Variants in DMD observed in about 807,000 individuals in gnomAD.
DMD encodes the protein dystrophin, also known as mutant dystrophin.
In DMD, 63 loss-of-function variants were observed where a neutral mutation model predicts 330.1. The observed-to-expected ratio is 0.19, with a 90% CI of 0.16 to 0.24. The LOEUF (loss-of-function observed/expected upper bound fraction) is 0.24, where lower values mean the gene tolerates loss of function less well. Ranked by LOEUF, DMD falls within the 10% of genes least tolerant of loss-of-function variation. The pLI, the probability that DMD is intolerant of heterozygous loss-of-function variation, is 1.00. For missense variants in DMD, 3,344 were observed against 2,684.1 expected (o/e 1.25, Z -5.43); for synonymous variants, 1,223 against 959.8 (o/e 1.27, Z -5.07).
At chrX:32,792,627 A>G (rs915641145) in intron 7 of DMD, among the ~76,000 whole-genome samples, 2 of 112,507 alleles carry the variant, frequency 1.8e-5, no homozygotes, top group East Asian at 2.8e-4. Flanking sequence ...ATGGAAAAGT[A>G]TATTTTATGC....
rs189629627 is a variant in DMD, at chrX:31,483,881, C to T, written c.8548-4778G>A. The stretch of plus-strand genomic sequence containing the variant: ...TAAACATGGTTATATGTAAGATCCT[C>T]TTTAATTTAGTCACTTAACAAACTT... On this transcript the variant is annotated intron_variant, in intron 57 of 78. Transcript: ENST00000357033. Among the ~76,000 whole-genome samples the T allele has an allele frequency of 3.0e-3, 337 of 112,079 alleles. 4 individuals carry two copies. The highest frequency in any genetic ancestry group is 0.01 in the African/African-American group (321 of 30,945).
chrX:31,588,405 C>CCCT lies in DMD; in HGVS notation c.8217+39265_8217+39267dup, dbSNP rs751894667. On this transcript the variant is annotated intron_variant, in intron 55 of 78. Coordinates refer to ENST00000357033, the MANE Select transcript of DMD (RefSeq NM_004006.3). ...ATATTTCCCCCACCCTAACTTTTTCCCCTCACCCTAGGGCTTGGTACCAGA... is the reference window on the plus strand; with the variant it reads ...ATATTTCCCCCACCCTAACTTTTTCCCCTCCTCACCCTAGGGCTTGGTACCAGA... 4.0e-3 allele frequency among the ~76,000 whole-genome samples: 443 copies of CCCT among 111,395 alleles called. 3 individuals carry two copies. Among genetic ancestry groups the CCCT allele is most frequent in the Admixed American group, 6.2e-3 (65 of 10,469 alleles).
intron 55 of DMD, among the ~76,000 whole-genome samples, chrX:31,541,735 C>G (rs772759659): frequency 1.8e-5 from 2 of 110,238 alleles, no homozygotes; most frequent in Middle Eastern, 4.6e-3. Context: ...TCCGGTCTAT[C>G]ATTGATGGAC....
chrX:31,991,540 C>T (rs1413405015), intron 44 of DMD, among the ~76,000 whole-genome samples: 5 of 109,980 alleles, frequency 4.5e-5, no homozygotes, highest in East Asian at 2.9e-4. Flanking sequence ...ATGGAAACTG[C>T]GGTCATACGG....
At chrX:32,743,115 T>A (rs958464389) in intron 7 of DMD, among the ~76,000 whole-genome samples, 3 of 111,283 alleles carry the variant, frequency 2.7e-5, no homozygotes, top group African/African-American at 9.8e-5. Context: ...CCGGAGTGCA[T>A]GCAATAGATC....
chrX:31,932,549 C>A (rs943064400), intron 45 of DMD, among the ~76,000 whole-genome samples: 9 of 111,340 alleles, frequency 8.1e-5, no homozygotes, highest in Non-Finnish European at 1.5e-4. Context: ...AGTTTGCGAC[C>A]AGCCTGGCAA....
chrX:33,181,346 TAA>T (rs60704057), intron 1 of DMD, among the ~76,000 whole-genome samples: 2 of 106,341 alleles, frequency 1.9e-5, no homozygotes, highest in East Asian at 3.0e-4. Flanking sequence ...GATAAAACTA[TAA>T]AAAAAAAATG....
chrX:33,331,988 C>A (rs17341330), intron 1 of DMD, among the ~76,000 whole-genome samples: 22,861 of 110,793 alleles, frequency 0.21, 2,152 homozygotes, highest in East Asian at 0.33. Flanking sequence ...CAATTAGTAT[C>A]TATAGGTCAA....
At chrX:32,603,576 C>A (rs904950351) in intron 12 of DMD, among the ~76,000 whole-genome samples, 1 of 110,602 alleles carries the variant, frequency 9.0e-6, no homozygotes, top group Admixed American at 9.6e-5. Context: ...AGAGAGTTTT[C>A]TTTGAAAAGA....
chrX:31,151,945 A>G (rs922908840), intron 74 of DMD, among the ~76,000 whole-genome samples: 9 of 112,055 alleles, frequency 8.0e-5, no homozygotes, highest in African/African-American at 2.9e-4. Flanking sequence ...TATATTTCTT[A>G]TCTTTTTCTG....
At chrX:32,329,355 G>A (rs921381180) in intron 41 of DMD, among the ~76,000 whole-genome samples, 1 of 111,853 alleles carries the variant, frequency 8.9e-6, no homozygotes, top group African/African-American at 3.2e-5. Context: ...GCAATGTGAC[G>A]GGAGACCAGC....
At chrX:32,496,369 A>G (rs1413665439) in intron 19 of DMD, among the ~76,000 whole-genome samples, 1 of 112,077 alleles carries the variant, frequency 8.9e-6, no homozygotes, top group Non-Finnish European at 1.9e-5. Context: ...AAAATGTAAT[A>G]TAGAGATATT....
At chrX:31,722,881 A>G (rs1013221811) in intron 52 of DMD, among the ~76,000 whole-genome samples, 2 of 109,787 alleles carry the variant, frequency 1.8e-5, no homozygotes, top group African/African-American at 6.6e-5. Context: ...CCCCGTCCCT[A>G]CTAAAAATAC....
chrX:31,212,958 G>A (rs1602770694), intron 64 of DMD, among the ~76,000 whole-genome samples: 1 of 112,449 alleles, frequency 8.9e-6, no homozygotes, highest in African/African-American at 3.2e-5. Context: ...CATCCTATAG[G>A]TCAATCTGTA....
chrX:31,396,510 C>T (rs1210039705), intron 60 of DMD, among the ~76,000 whole-genome samples: 1 of 107,971 alleles, frequency 9.3e-6, no homozygotes, highest in Admixed American at 9.9e-5. Flanking sequence ...CTGATCTCAC[C>T]CATACGTCAA....
At chrX:32,653,882 C>T (rs1365525515) in intron 9 of DMD, among the ~76,000 whole-genome samples, 11 of 111,631 alleles carry the variant, frequency 9.9e-5, no homozygotes, top group South Asian at 3.7e-4. Context: ...ACATCCCTTG[C>T]AAGTTGGATT....
chrX:32,804,969 TCAAAGATCAAAGGTAGATAAATCCA>T (rs1270128842), intron 7 of DMD, among the ~76,000 whole-genome samples: 1 of 111,758 alleles, frequency 8.9e-6, no homozygotes, highest in African/African-American at 3.3e-5. Context: ...GTCACCAATG[TCAAAGATCAAAGGTAGATAAATCCA>T]CAAAGATGAG....
At chrX:31,491,607 G>A (rs1350643696) in intron 57 of DMD, among the ~76,000 whole-genome samples, 1 of 111,900 alleles carries the variant, frequency 8.9e-6, no homozygotes, top group African/African-American at 3.2e-5. Flanking sequence ...AATTAGTCTT[G>A]AGAGCCATTC....
At chrX:32,392,530 G>A (rs2098011308) in intron 30 of DMD, among the ~76,000 whole-genome samples, 2 of 111,475 alleles carry the variant, frequency 1.8e-5, no homozygotes, top group African/African-American at 6.5e-5. Context: ...AAAGTGCTGG[G>A]ATTACAGGTG....
Sources: gnomAD v4.1 joint callset for allele counts (sites outside exome capture counted in the v4.1 genomes callset) on GRCh38, gnomAD v4.1.1 for gene constraint, MANE v1.5 for transcripts, NCBI Gene and HGNC (gene_info 2026-07-23, HGNC 2026-07-21) for gene names.